The following PDE1C variants were observed in gnomAD, a reference collection of about 807,000 sequenced individuals.
PDE1C encodes the protein phosphodiesterase 1C.
PDE1C carries 62 observed loss-of-function variants against 93.1 expected under a neutral mutation model. The observed-to-expected ratio is 0.67, with a 90% CI of 0.54 to 0.82. The LOEUF (loss-of-function observed/expected upper bound fraction) is 0.82, where lower values mean the gene tolerates loss of function less well. PDE1C is among the 40% of genes least tolerant of loss of function. The pLI is 0.00. For missense variants in PDE1C, 742 were observed against 884.6 expected (o/e 0.84, Z 2.04); for synonymous variants, 325 against 310.1 (o/e 1.05, Z -0.50).
At chr7:31,881,061 T>C (rs1486922574) in intron 2 of PDE1C, among the ~76,000 whole-genome samples, 1 of 152,182 alleles carries the variant, frequency 6.6e-6, no homozygotes, top group Non-Finnish European at 1.5e-5. Flanking sequence ...AGAAAAAATT[T>C]CTCTCCAACC....
intron 1 of PDE1C, among the ~76,000 whole-genome samples, chr7:32,320,306 T>C (rs1400944800): frequency 2.6e-5 from 4 of 151,996 alleles, no homozygotes. Flanking sequence ...GCTTTATTGA[T>C]GGAAGGGGGG....
Position 31,878,009 on chromosome 7 carries a change from A to G in PDE1C, c.453T>C (p.Val151=). The G allele has an allele frequency of 1.2e-6, 2 of 1,613,204 alleles. No individual in the cohort carries two copies. The highest frequency in any genetic ancestry group is 2.2e-5 in the East Asian group (1 of 44,798). Residue 151 remains valine, a synonymous_variant, in exon 5 of 18, where the codon GTT becomes GTC. Coordinates refer to ENST00000396191, the MANE Select transcript of PDE1C (RefSeq NM_001191057.4). ...TAACAGCTGGTGGATAGCTCAGTCC[A>G]ACCATGTTTGATGTCCGTCTATACA... ...ERMYRRTSNM[V]GLSYPPAVIE... is the part of the protein sequence containing the mutation.
intron 2 of PDE1C, among the ~76,000 whole-genome samples, chr7:32,006,166 C>T (rs1786227432): frequency 6.6e-6 from 1 of 152,036 alleles, no homozygotes. Context: ...AATAAAATCA[C>T]CTAAAATAAA....
At chr7:32,289,983 G>A (rs946254116) in intron 1 of PDE1C, among the ~76,000 whole-genome samples, 6 of 152,204 alleles carry the variant, frequency 3.9e-5, no homozygotes, top group African/African-American at 1.4e-4. Flanking sequence ...AGAGTCTTGG[G>A]TGCTTTGGAC....
chr7:31,667,967 A>G, the PDE1C span, among the ~76,000 whole-genome samples: 1 of 152,080 alleles, frequency 6.6e-6, no homozygotes, highest in African/African-American at 2.4e-5. Context: ...GCAATGAGGA[A>G]GATGGTTACT....
intron 2 of PDE1C, among the ~76,000 whole-genome samples, chr7:31,952,195 A>G (rs539413377): frequency 6.6e-6 from 1 of 152,262 alleles, no homozygotes; most frequent in African/African-American, 2.4e-5. Context: ...CCACTTGCCT[A>G]AGTATAAATT....
intron 1 of PDE1C, among the ~76,000 whole-genome samples, chr7:32,280,433 A>G (rs1811553279): frequency 6.6e-6 from 1 of 152,188 alleles, no homozygotes; most frequent in Non-Finnish European, 1.5e-5. Flanking sequence ...AAAAATAGAG[A>G]AAAAGCTAAA....
At chr7:32,388,821 C>A (rs1176699795) in intron 1 of PDE1C, among the ~76,000 whole-genome samples, 1 of 151,754 alleles carries the variant, frequency 6.6e-6, no homozygotes, top group Non-Finnish European at 1.5e-5. Flanking sequence ...TAGAATAGGA[C>A]CCAAAAGGGG....
At chr7:32,114,050 C>A (rs1259560445) in intron 3 of PDE1C, among the ~76,000 whole-genome samples, 3 of 152,166 alleles carry the variant, frequency 2.0e-5, no homozygotes, top group Non-Finnish European at 4.4e-5. Flanking sequence ...AATGGCCATA[C>A]TATCCAAAGT....
At chr7:32,239,147 T>C (rs1562608384) in intron 1 of PDE1C, among the ~76,000 whole-genome samples, 1 of 152,164 alleles carries the variant, frequency 6.6e-6, no homozygotes, top group Non-Finnish European at 1.5e-5. Context: ...GGATCGCTTG[T>C]GCTCAGCTCA....
intron 6 of PDE1C, among the ~76,000 whole-genome samples, chr7:31,871,639 A>G (rs1350884432): frequency 1.3e-5 from 2 of 152,090 alleles, no homozygotes; most frequent in Non-Finnish European, 2.9e-5. Flanking sequence ...GGAAATGAAA[A>G]TCAAAAGCAA....
intron 16 of PDE1C, chr7:31,787,601 GT>G (rs1784140461): frequency 6.6e-6 from 1 of 151,386 alleles, no homozygotes; most frequent in Non-Finnish European, 1.5e-5. Flanking sequence ...TTCGTCTGTG[GT>G]AGGACTATCC....
chr7:31,958,992 C>T (rs1808528721), intron 2 of PDE1C, among the ~76,000 whole-genome samples: 1 of 152,042 alleles, frequency 6.6e-6, no homozygotes, highest in African/African-American at 2.4e-5. Context: ...CACCCCTTTC[C>T]CCAGTACAAA....
At chr7:32,319,993 G>A (rs1783255448) in intron 1 of PDE1C, among the ~76,000 whole-genome samples, 1 of 152,174 alleles carries the variant, frequency 6.6e-6, no homozygotes, top group Non-Finnish European at 1.5e-5. Context: ...CGGTCTTAGG[G>A]ACAGAGCAAA....
intron 2 of PDE1C, among the ~76,000 whole-genome samples, chr7:31,922,153 T>C (rs953381384): frequency 6.6e-6 from 1 of 152,332 alleles, no homozygotes. Flanking sequence ...GCCTTGATAA[T>C]ATCCGACTCT....
Position 31,900,576 on chromosome 7 carries a change from T to C in PDE1C, c.129-19716A>G, listed in dbSNP as rs536905122. 2.0e-5 allele frequency among the ~76,000 whole-genome samples: 3 copies of C among 151,776 alleles called. No individual in the cohort carries two copies. In the South Asian group the frequency reaches 6.2e-4, roughly 31 times the overall value. ...TTAATAAATATGGAAACAAAACAGC[T>C]GTCAAAAATGTACTAGATATCCAAT... On this transcript the variant is annotated intron_variant, in intron 2 of 17. Coordinates refer to ENST00000396191, the MANE Select transcript of PDE1C (RefSeq NM_001191057.4).
intron 2 of PDE1C, among the ~76,000 whole-genome samples, chr7:32,000,963 C>A (rs557251170): frequency 1.3e-5 from 2 of 151,970 alleles, no homozygotes; most frequent in South Asian, 4.2e-4. Flanking sequence ...GATCTCTCCA[C>A]GTTTGTATAC....
intron 3 of PDE1C, among the ~76,000 whole-genome samples, chr7:32,123,718 A>G (rs58397444): frequency 0.13 from 20,322 of 152,158 alleles, 2,516 homozygotes; most frequent in African/African-American, 0.33. Context: ...AAACAATAAA[A>G]GCTATTTATT....
chr7:32,286,358 G>A (rs191413867), intron 1 of PDE1C, among the ~76,000 whole-genome samples: 1 of 152,282 alleles, frequency 6.6e-6, no homozygotes, highest in African/African-American at 2.4e-5. Context: ...CACTTCCCTG[G>A]ATTAGTGCGT....
Sources: gnomAD v4.1 joint callset for allele counts (sites outside exome capture counted in the v4.1 genomes callset) on GRCh38, gnomAD v4.1.1 for gene constraint, MANE v1.5 for transcripts, NCBI Gene and HGNC (gene_info 2026-07-23, HGNC 2026-07-21) for gene names.